STYXL2: variants seen among roughly 807,000 people sequenced by gnomAD.
The protein encoded by STYXL2 is serine/threonine/tyrosine-interacting-like protein 2.
STYXL2 carries 44 observed loss-of-function variants against 52.4 expected under a neutral mutation model. That is an observed-to-expected ratio of 0.84 (90% CI 0.66 to 1.08). The LOEUF (loss-of-function observed/expected upper bound fraction) is 1.08. STYXL2 is among the 50% of genes least tolerant of loss of function. The probability of loss-of-function intolerance (pLI) is 0.00; values close to 1 mark genes in which losing one functional copy is unlikely to be tolerated. For synonymous variants in STYXL2, 604 were observed against 586.9 expected (o/e 1.03, Z -0.42); for missense variants, 1,604 against 1,471.7 (o/e 1.09, Z -1.47).
chr1:167,099,134 C>T (rs1307392349), intron 2 of STYXL2, among the ~76,000 whole-genome samples: 1 of 151,976 alleles, frequency 6.6e-6, no homozygotes, highest in Non-Finnish European at 1.5e-5. Flanking sequence ...AAATAATTTT[C>T]AATTTCTATG....
chr1:167,094,750 G>A lies in STYXL2; in HGVS notation c.-16-84G>A, dbSNP rs1571327134. 7.8e-6 allele frequency: 7 copies of A among 902,700 alleles called. 2 individuals are homozygous for A. In the Admixed American group the frequency reaches 1.5e-4, roughly 19 times the overall value. 55.9% of individuals were successfully genotyped at this position (902,700 alleles called of 1,614,324 possible). On this transcript the variant is annotated intron_variant, in intron 1 of 5. Coordinates refer to ENST00000361200, the MANE Select transcript of STYXL2 (RefSeq NM_001080426.3). ...ACCTTCCTAGTCCTAGTTCCACTGA[G>A]GTGACATCACCAACACAACTTCTCC...
rs1285731801 is a variant in STYXL2 at position 167,127,607 on chromosome 1, C to T, written c.2476C>T (p.Leu826Phe). Residue 826 changes from leucine to phenylalanine, a missense_variant, in exon 6 of 6, where the codon CTC (leucine) becomes TTC (phenylalanine). Leu to Phe is a conservative substitution (Grantham distance 22). Coordinates refer to ENST00000361200, the MANE Select transcript of STYXL2 (RefSeq NM_001080426.3). Reference protein sequence around the residue: ...VRGTSKPIFSLFADNVDLKEL... With the variant: ...VRGTSKPIFSFFADNVDLKEL... The stretch of plus-strand genomic sequence containing the variant: ...GGGGACCAGCAAGCCCATCTTCAGC[C>T]TCTTTGCTGACAATGTGGACCTAAA... 9 of 1,614,178 alleles carry T rather than the reference C, an allele frequency of 5.6e-6. 1 individual carries two copies. In the South Asian group the frequency reaches 6.6e-5, roughly 12 times the overall value.
At position 167,117,500 on chromosome 1, in the gene STYXL2, C is replaced by T. The variant is rs1209657033; in HGVS notation, c.378C>T (p.Arg126=). ...TACAGCGGGCCCTGGTTCAGGATCG[C>T]CAAGAGGCGCCCTGGAATGAGGTGG... The part of the protein sequence containing the change: ...LDLQRALVQD[R]QEAPWNEVDE... Residue 126 remains arginine, a synonymous_variant, in exon 4 of 6, where the codon CGC becomes CGT. Coordinates refer to ENST00000361200, the MANE Select transcript of STYXL2 (RefSeq NM_001080426.3). 1 of 1,611,150 alleles carries T rather than the reference C, an allele frequency of 6.2e-7. No homozygotes were observed. Among genetic ancestry groups the T allele is most frequent in the Non-Finnish European group, 8.5e-7 (1 of 1,178,826 alleles).
Position 167,126,894 on chromosome 1 carries a change from C to T in STYXL2, c.1763C>T (p.Ala588Val), listed in dbSNP as rs775602117. The part of the protein sequence containing the change: ...EKNPSDVSLT[A>V]YQAWKLKHQK... ...AACCCCTCCGACGTCAGCCTGACAGCCTACCAGGCCTGGAAGCTGAAACAC... is the reference window on the plus strand; with the variant it reads ...AACCCCTCCGACGTCAGCCTGACAGTCTACCAGGCCTGGAAGCTGAAACAC... The change falls in exon 6 of 6, where the codon GCC (alanine) becomes GTC (valine). Residue 588 changes from alanine (A) to valine (V), a missense_variant. Transcript: ENST00000361200. The T allele has an allele frequency of 4.3e-6, 7 of 1,611,794 alleles. No homozygotes were observed. The Admixed American group carries it at 1.2e-4, about 27-fold the overall frequency.
chr1:167,121,490 G>A (rs1003075351), intron 5 of STYXL2, among the ~76,000 whole-genome samples: 2 of 152,244 alleles, frequency 1.3e-5, no homozygotes, highest in Non-Finnish European at 2.9e-5. Flanking sequence ...ACACGGCCAC[G>A]AGCCGGCGGT....
chr1:167,104,605 A>C (rs1186770991), intron 2 of STYXL2, among the ~76,000 whole-genome samples: 1 of 152,060 alleles, frequency 6.6e-6, no homozygotes, highest in Non-Finnish European at 1.5e-5. Flanking sequence ...TTTTTGGTGA[A>C]AATTTCTCCA....
At position 167,117,508 on chromosome 1, in the gene STYXL2, C is replaced by A. The variant is rs760681958; in HGVS notation, c.386C>A (p.Ala129Glu). 15 of 1,610,660 alleles carry A rather than the reference C, an allele frequency of 9.3e-6. No individual in the cohort carries two copies. The highest frequency in any genetic ancestry group is 1.3e-5 in the African/African-American group (1 of 74,822). ...QRALVQDRQE[A>E]PWNEVDEVWP... is the part of the protein sequence containing the mutation. Reference sequence around the variant, plus strand: ...GCCCTGGTTCAGGATCGCCAAGAGGCGCCCTGGAATGAGGTGGATGAGGTC... The same window carrying A: ...GCCCTGGTTCAGGATCGCCAAGAGGAGCCCTGGAATGAGGTGGATGAGGTC... The change falls in exon 4 of 6, where the codon GCG becomes GAG. Residue 129 changes from alanine to glutamate, a missense_variant. By Grantham distance (107) the Ala-to-Glu change is moderately radical. Transcript: ENST00000361200.
chr1:167,126,030 G>T lies in STYXL2; in HGVS notation c.899G>T (p.Gly300Val), dbSNP rs746033132. 2 of 1,593,526 alleles carry T rather than the reference G, an allele frequency of 1.3e-6. No homozygotes were observed. The highest frequency in any genetic ancestry group is 8.5e-7 in the Non-Finnish European group (1 of 1,170,304). ...TCAGCTGAGGCTGAGGAGGGCGAGG[G>T]CACTGGGAGCATGCTCGGGGCCAGA... Reference protein sequence around the residue: ...GGSAEAEEGEGTGSMLGARVH... With the variant: ...GGSAEAEEGEVTGSMLGARVH... Residue 300 changes from glycine to valine, a missense_variant, in exon 6 of 6, where the codon GGC (glycine) becomes GTC (valine). Gly to Val is a moderately radical substitution (Grantham distance 109, BLOSUM62 -3). Coordinates refer to ENST00000361200, the MANE Select transcript of STYXL2 (RefSeq NM_001080426.3).
chr1:167,126,642 C>T lies in STYXL2; in HGVS notation c.1511C>T (p.Ala504Val), dbSNP rs758006721. 2 of 1,613,968 alleles carry T rather than the reference C, an allele frequency of 1.2e-6. No homozygotes were observed. Among genetic ancestry groups the T allele is most frequent in the East Asian group, 4.5e-5 (2 of 44,834 alleles). Residue 504 changes from alanine (A) to valine (V), a missense_variant, in exon 6 of 6, where the codon GCG becomes GTG. Coordinates refer to ENST00000361200, the MANE Select transcript of STYXL2 (RefSeq NM_001080426.3). ...CACGCCAAGAGCAAGAGAGAGGAGG[C>T]GGCAGACAGGAGCTCAGAAGCAGGG... ...RYHAKSKREE[A>V]ADRSSEAGSR...
intron 2 of STYXL2, among the ~76,000 whole-genome samples, chr1:167,108,286 A>C (rs542471283): frequency 1.9e-4 from 29 of 152,164 alleles, no homozygotes; most frequent in Non-Finnish European, 3.1e-4. Flanking sequence ...AAATAAGACC[A>C]CCTAATCCAC....
chr1:167,120,360 G>T (rs1667825046), intron 5 of STYXL2, among the ~76,000 whole-genome samples: 1 of 152,246 alleles, frequency 6.6e-6, no homozygotes, highest in Non-Finnish European at 1.5e-5. Context: ...GTGACCTTGG[G>T]CCATTTCCTT....
At position 167,094,904 on chromosome 1, in the gene STYXL2, G is replaced by A. The variant is rs745821607; in HGVS notation, c.55G>A (p.Glu19Lys). Reference protein sequence around the residue: ...EEQVVPSEEDEANVRAVQAHY... With the variant: ...EEQVVPSEEDKANVRAVQAHY... The stretch of plus-strand genomic sequence containing the variant: ...GCAGGTAGTCCCAAGCGAGGAGGAC[G>A]AAGCCAACGTGAGGGCGGTGCAGGC... Residue 19 changes from glutamate (E) to lysine (K), a missense_variant, in exon 2 of 6, where the codon GAA becomes AAA. Physicochemically the swap from Glu to Lys is moderately conservative, Grantham distance 56 (BLOSUM62 1). Coordinates refer to ENST00000361200, the MANE Select transcript of STYXL2 (RefSeq NM_001080426.3). 3.4e-5 allele frequency: 55 copies of A among 1,612,922 alleles called. No individual in the cohort carries two copies. The highest frequency in any genetic ancestry group is 3.3e-4 in the Middle Eastern group (2 of 6,082).
chr1:167,122,341 C>T (rs775951768), intron 5 of STYXL2, among the ~76,000 whole-genome samples: 1 of 152,132 alleles, frequency 6.6e-6, no homozygotes, highest in Non-Finnish European at 1.5e-5. Context: ...CTCTCTACTT[C>T]AGATAGCAAA....
Position 167,094,854 on chromosome 1 carries a change from C to A in STYXL2, c.5C>A (p.Ala2Glu), listed in dbSNP as rs147860718. Residue 2 changes from alanine (A) to glutamate (E), a missense_variant, in exon 2 of 6, where the codon GCG becomes GAG. Ala to Glu is a moderately radical substitution (Grantham distance 107). Coordinates refer to ENST00000361200, the MANE Select transcript of STYXL2 (RefSeq NM_001080426.3). ...TTCAGAGGTTGGCAGGTTGTCATGG[C>A]GACCAGAAAGGACACAGAGGAGGAG... M[A>E]TRKDTEEEQV... The A allele has an allele frequency of 1.4e-5, 22 of 1,612,584 alleles. No homozygotes were observed. In the African/African-American group the frequency reaches 2.5e-4, roughly 19 times the overall value.
rs777654054 is a variant in STYXL2 at position 167,127,155 on chromosome 1, C to A, written c.2024C>A (p.Thr675Lys). 1.1e-5 allele frequency: 17 copies of A among 1,614,112 alleles called. No homozygotes were observed. Among genetic ancestry groups the A allele is most frequent in the Non-Finnish European group, 1.3e-5 (15 of 1,179,986 alleles). Residue 675 changes from threonine (T) to lysine (K), a missense_variant, in exon 6 of 6, where the codon ACG (threonine) becomes AAG (lysine). Physicochemically the swap from Thr to Lys is moderately conservative, Grantham distance 78 (BLOSUM62 -1). Transcript: ENST00000361200. ...ADPSVSADGD[T>K]TSVLSTQSHR... The stretch of plus-strand genomic sequence containing the variant: ...CCCTCAGTCAGCGCTGATGGGGACA[C>A]GACGTCAGTACTGAGCACCCAGAGC...
rs1233621245 is a variant in STYXL2 at position 167,126,409 on chromosome 1, G to A, written c.1278G>A (p.Ser426=). Residue 426 remains serine, a synonymous_variant, in exon 6 of 6, where the codon TCG becomes TCA. Transcript: ENST00000361200. ...AGGAGGAGAGCGACGCTGGCTCCTC[G>A]GTGGGGAGGCGGCGGCGCACCCTGA... ...EKEEESDAGS[S]VGRRRRTLSE... is the part of the protein sequence containing the mutation. 6.4e-7 allele frequency: 1 copy of A among 1,559,336 alleles called. No homozygotes were observed. Among genetic ancestry groups the A allele is most frequent in the Non-Finnish European group, 8.7e-7 (1 of 1,151,934 alleles).
At chr1:167,120,982 T>C (rs1305940023) in intron 5 of STYXL2, among the ~76,000 whole-genome samples, 3 of 150,202 alleles carry the variant, frequency 2.0e-5, no homozygotes, top group South Asian at 4.2e-4. Flanking sequence ...ATATACAGTT[T>C]TCAGTTTTCT....
rs1336369969 is a variant in STYXL2 at position 167,128,693 on chromosome 1, A to T, written c.*85A>T. The T allele has an allele frequency of 2.7e-6, 4 of 1,483,904 alleles. No individual in the cohort carries two copies. Among genetic ancestry groups the T allele is most frequent in the Admixed American group, 4.9e-5 (2 of 41,088 alleles). 91.9% of individuals were successfully genotyped at this position (1,483,904 alleles called of 1,614,324 possible). A position where few individuals can be genotyped will look rare whatever the true frequency, so the allele number is the denominator to read the frequency against. On this transcript the variant is annotated 3_prime_UTR_variant, in exon 6 of 6. Transcript: ENST00000361200. ...ACACGTTGCCACCACTCATCGCAGG[A>T]TGAGGATACAGAGAGGATCTTCCAG...
In STYXL2 at chr1:167,127,377, C is replaced by T. The variant is rs374240399; in HGVS notation, c.2246C>T (p.Pro749Leu). Residue 749 changes from proline to leucine, a missense_variant, in exon 6 of 6, where the codon CCG becomes CTG. Physicochemically the swap from Pro to Leu is moderately conservative, Grantham distance 98. Transcript: ENST00000361200. Reference protein sequence around the residue: ...QNEMLLLSRSPSVASMKAVPA... With the variant: ...QNEMLLLSRSLSVASMKAVPA... ...GAAATGCTGCTGTTGTCCCGCTCAC[C>T]GTCTGTTGCAAGCATGAAGGCAGTA... is the stretch of plus-strand genomic sequence containing the variant. 13 of 1,614,052 alleles carry T rather than the reference C, an allele frequency of 8.1e-6. No homozygotes were observed. Among genetic ancestry groups the T allele is most frequent in the East Asian group, 2.2e-5 (1 of 44,888 alleles).
Sources: gnomAD v4.1 joint callset for allele counts (sites outside exome capture counted in the v4.1 genomes callset) on GRCh38, gnomAD v4.1.1 for gene constraint, MANE v1.5 for transcripts, NCBI Gene and HGNC (gene_info 2026-07-23, HGNC 2026-07-21) for gene names.